GPR158: variants seen among roughly 807,000 people sequenced by gnomAD.
GPR158 encodes metabotropic glycine receptor.
A neutral mutation model predicts 78.2 loss-of-function variants in GPR158; 30 were observed. That is an observed-to-expected ratio of 0.38 (90% CI 0.29 to 0.52). GPR158 has a LOEUF of 0.52. GPR158 is among the 20% of genes least tolerant of loss of function. The pLI, the probability that GPR158 is intolerant of heterozygous loss-of-function variation, is 0.83. For synonymous variants in GPR158, 581 were observed against 591.1 expected (o/e 0.98, Z 0.25); for missense variants, 1,463 against 1,523.5 (o/e 0.96, Z 0.66).
Position 25,470,333 on chromosome 10 carries a change from G to C in GPR158, c.1404+3614G>C, listed in dbSNP as rs1387790943. Among the ~76,000 whole-genome samples, 4 of 152,072 alleles carry C rather than the reference G, an allele frequency of 2.6e-5. No homozygotes were observed. The East Asian group carries it at 7.7e-4, about 29-fold the overall frequency. ...GAGGTGTTTAGAGCCCTCATGTATG[G>C]GTGAATGCCCTTAACATGTAAAAGA... On this transcript the variant is annotated intron_variant, in intron 5 of 10. Transcript: ENST00000376351.
At position 25,204,764 on chromosome 10, in the gene GPR158, A is replaced by T. The variant is rs111299443; in HGVS notation, c.903-16288A>T. On this transcript the variant is annotated intron_variant, in intron 1 of 10. Coordinates refer to ENST00000376351, the MANE Select transcript of GPR158 (RefSeq NM_020752.3). ...CTTTGGTATCAGAATCCATTTTTTAAAAAATAAGTTTCCTAGTTTGTGTGC... is the reference window on the plus strand; with the variant it reads ...CTTTGGTATCAGAATCCATTTTTTATAAAATAAGTTTCCTAGTTTGTGTGC... 6.6e-3 allele frequency among the ~76,000 whole-genome samples: 988 copies of T among 150,192 alleles called. 18 individuals are homozygous for T. The highest frequency in any genetic ancestry group is 0.023 in the African/African-American group (944 of 40,942).
chr10:25,284,650 T>C (rs1854321529), intron 2 of GPR158, among the ~76,000 whole-genome samples: 1 of 151,958 alleles, frequency 6.6e-6, no homozygotes, highest in South Asian at 2.1e-4. Context: ...GATTAAAATA[T>C]AATGTCTTGC....
intron 2 of GPR158, among the ~76,000 whole-genome samples, chr10:25,374,428 G>A (rs1034508489): frequency 6.6e-6 from 1 of 151,600 alleles, no homozygotes; most frequent in Non-Finnish European, 1.5e-5. Context: ...TTTCATCAAT[G>A]TTATATGCAT....
At chr10:25,294,208 C>G (rs1854478917) in intron 2 of GPR158, among the ~76,000 whole-genome samples, 1 of 152,144 alleles carries the variant, frequency 6.6e-6, no homozygotes, top group Non-Finnish European at 1.5e-5. Flanking sequence ...AAGAGAGGGA[C>G]TGCTGACTAA....
At chr10:25,375,883 T>C (rs535766832) in intron 2 of GPR158, among the ~76,000 whole-genome samples, 1 of 151,768 alleles carries the variant, frequency 6.6e-6, no homozygotes, top group South Asian at 2.1e-4. Context: ...AGCTACAATT[T>C]TTAATGTAAG....
chr10:25,596,872 G>T, intron 10 of GPR158, 83 bp downstream of exon 10: 1 of 1,114,158 alleles, frequency 9.0e-7, no homozygotes, highest in Middle Eastern at 2.0e-4. Context: ...GGGTGCGTGT[G>T]TGCATGCATG....
chr10:25,447,059 C>T (rs1835146479), intron 4 of GPR158, among the ~76,000 whole-genome samples: 1 of 152,046 alleles, frequency 6.6e-6, no homozygotes, highest in African/African-American at 2.4e-5. Context: ...TGAATTTAAA[C>T]ACAATTAAAA....
At chr10:25,356,255 A>T (rs1245131474) in intron 2 of GPR158, among the ~76,000 whole-genome samples, 2 of 152,062 alleles carry the variant, frequency 1.3e-5, no homozygotes, top group African/African-American at 4.8e-5. Context: ...GAACCTGCCT[A>T]TCCACATATT....
At chr10:25,427,544 G>C (rs1389940072) in intron 4 of GPR158, among the ~76,000 whole-genome samples, 1 of 151,974 alleles carries the variant, frequency 6.6e-6, no homozygotes, top group Non-Finnish European at 1.5e-5. Context: ...AAACACCACT[G>C]ATGGCTGGTT....
intron 3 of GPR158, among the ~76,000 whole-genome samples, chr10:25,406,947 G>T (rs997757035): frequency 1.9e-4 from 29 of 152,116 alleles, no homozygotes; most frequent in African/African-American, 6.8e-4. Flanking sequence ...TGTAGGTAAG[G>T]AATAAGACTA....
chr10:25,192,780 A>C (rs2130644469), intron 1 of GPR158, among the ~76,000 whole-genome samples: 1 of 152,006 alleles, frequency 6.6e-6, no homozygotes, highest in Admixed American at 6.6e-5. Context: ...AAAGGTAGAA[A>C]AATGATAAAA....
chr10:25,481,862 T>C (rs1835667311), intron 5 of GPR158, among the ~76,000 whole-genome samples: 1 of 152,230 alleles, frequency 6.6e-6, no homozygotes, highest in South Asian at 2.1e-4. Context: ...TTTGATTTTC[T>C]ATTTTTGATT....
intron 2 of GPR158, among the ~76,000 whole-genome samples, chr10:25,289,737 C>G (rs953821109): frequency 3.3e-5 from 5 of 152,156 alleles, no homozygotes; most frequent in African/African-American, 1.2e-4. Context: ...TAAATGTTTT[C>G]TAATTGCACA....
At chr10:25,363,188 C>A (rs59803489) in intron 2 of GPR158, among the ~76,000 whole-genome samples, 20,875 of 151,788 alleles carry the variant, frequency 0.14, 1,690 homozygotes, top group South Asian at 0.23. Context: ...CATAACTTTG[C>A]AGTGATGTGG....
chr10:25,197,078 T>C (rs1451170150), intron 1 of GPR158, among the ~76,000 whole-genome samples: 1 of 152,212 alleles, frequency 6.6e-6, no homozygotes, highest in African/African-American at 2.4e-5. Context: ...CTCCCTCTTG[T>C]ACGTACTTCC....
chr10:25,426,635 G>T (rs1389856781), intron 4 of GPR158, among the ~76,000 whole-genome samples: 1 of 152,074 alleles, frequency 6.6e-6, no homozygotes, highest in Non-Finnish European at 1.5e-5. Context: ...TATGAAGTCT[G>T]CTGTCTTACA....
intron 2 of GPR158, among the ~76,000 whole-genome samples, chr10:25,340,520 A>G (rs1188273762): frequency 3.9e-5 from 6 of 152,076 alleles, no homozygotes; most frequent in African/African-American, 1.4e-4. Flanking sequence ...TCAACAGAGA[A>G]CTAGAAACTA....
At chr10:25,245,715 A>G (rs1853681039) in intron 2 of GPR158, among the ~76,000 whole-genome samples, 2 of 152,202 alleles carry the variant, frequency 1.3e-5, no homozygotes, top group South Asian at 4.1e-4. Context: ...ATCTCAACAT[A>G]GAGTAACTTC....
intron 5 of GPR158, among the ~76,000 whole-genome samples, chr10:25,540,111 C>A (rs1836556916): frequency 6.6e-6 from 1 of 152,098 alleles, no homozygotes; most frequent in Non-Finnish European, 1.5e-5. Flanking sequence ...AAAGAAACAA[C>A]CCCATCAATA....
Sources: gnomAD v4.1 joint callset for allele counts (sites outside exome capture counted in the v4.1 genomes callset) on GRCh38, gnomAD v4.1.1 for gene constraint, MANE v1.5 for transcripts, NCBI Gene and HGNC (gene_info 2026-07-23, HGNC 2026-07-21) for gene names.